GALNTL6: variants seen among roughly 807,000 people sequenced by gnomAD.
GALNTL6 encodes polypeptide N-acetylgalactosaminyltransferase-like 6.
GALNTL6 carries 46 observed loss-of-function variants against 73.7 expected under a neutral mutation model. The observed-to-expected ratio is 0.62, with a 90% confidence interval of 0.49 to 0.80. The LOEUF (loss-of-function observed/expected upper bound fraction) is 0.80. Ranked by LOEUF, GALNTL6 falls within the 30% of genes least tolerant of loss-of-function variation. The probability of loss-of-function intolerance (pLI) is 0.00; values close to 1 mark genes in which losing one functional copy is unlikely to be tolerated. For missense variants in GALNTL6, 604 were observed against 755.0 expected, an observed-to-expected ratio of 0.80 and a Z score of 2.34; for synonymous variants, 259 against 263.7, an observed-to-expected ratio of 0.98 and a Z score of 0.17.
intron 5 of GALNTL6, among the ~76,000 whole-genome samples, chr4:172,676,400 T>G (rs1732303689): frequency 6.6e-6 from 1 of 152,166 alleles, no homozygotes; most frequent in Admixed American, 6.5e-5. Context: ...GTCATGGCAA[T>G]AAATATTTCT....
intron 5 of GALNTL6, among the ~76,000 whole-genome samples, chr4:172,492,896 AC>A (rs774922194): frequency 6.6e-6 from 1 of 152,186 alleles, no homozygotes. Context: ...AGTTCAAGTC[AC>A]CAAATTTGTT....
intron 5 of GALNTL6, among the ~76,000 whole-genome samples, chr4:172,565,310 G>A (rs777822802): frequency 1.3e-5 from 2 of 152,178 alleles, no homozygotes; most frequent in African/African-American, 4.8e-5. Flanking sequence ...TAGCATGAAA[G>A]TGTTGTTGAA....
At chr4:172,877,885 T>C (rs1289034262) in intron 7 of GALNTL6, among the ~76,000 whole-genome samples, 1 of 151,978 alleles carries the variant, frequency 6.6e-6, no homozygotes, top group African/African-American at 2.4e-5. Context: ...TGTTAAAAGT[T>C]ACATGGACAC....
intron 5 of GALNTL6, among the ~76,000 whole-genome samples, chr4:172,384,301 A>G (rs72704808): frequency 0.4 from 61,281 of 151,946 alleles, 14,961 homozygotes; most frequent in South Asian, 0.66. Context: ...ATCTTTCCAG[A>G]TTTTTTATTT....
At chr4:171,876,145 G>A (rs772687616) in intron 2 of GALNTL6, among the ~76,000 whole-genome samples, 1 of 152,044 alleles carries the variant, frequency 6.6e-6, no homozygotes, top group African/African-American at 2.4e-5. Context: ...GCAAGGCTGT[G>A]GCTTCTCTGT....
intron 5 of GALNTL6, among the ~76,000 whole-genome samples, chr4:172,752,617 A>G (rs1737492573): frequency 6.6e-6 from 1 of 152,182 alleles, no homozygotes; most frequent in Non-Finnish European, 1.5e-5. Context: ...CATTACTTCA[A>G]GAATATAATT....
intron 2 of GALNTL6, among the ~76,000 whole-genome samples, chr4:172,082,129 G>A (rs1368712898): frequency 6.6e-6 from 1 of 151,914 alleles, no homozygotes; most frequent in African/African-American, 2.4e-5. Context: ...CAGCTGCCTC[G>A]GCCTCCCAAA....
intron 5 of GALNTL6, among the ~76,000 whole-genome samples, chr4:172,411,332 T>A (rs1744427461): frequency 1.3e-5 from 2 of 152,148 alleles, no homozygotes; most frequent in Admixed American, 1.3e-4. Context: ...ATTGGTGATG[T>A]CGTAAGCCAC....
chr4:172,167,771 AC>A (rs1207236945), intron 2 of GALNTL6, among the ~76,000 whole-genome samples: 1 of 147,506 alleles, frequency 6.8e-6, no homozygotes, highest in African/African-American at 2.6e-5. Flanking sequence ...ATCCTGGCTA[AC>A]AAGGTGAAAC....
intron 5 of GALNTL6, among the ~76,000 whole-genome samples, chr4:172,742,309 T>A (rs1736853556): frequency 6.6e-6 from 1 of 151,882 alleles, no homozygotes; most frequent in Non-Finnish European, 1.5e-5. Context: ...GCACCACAGA[T>A]GATCTCTTGT....
intron 5 of GALNTL6, among the ~76,000 whole-genome samples, chr4:172,718,050 G>A (rs1334232816): frequency 2.6e-5 from 4 of 152,176 alleles, no homozygotes; most frequent in Non-Finnish European, 5.9e-5. Flanking sequence ...ATAATATTAA[G>A]AATGTTTACT....
rs553973999 is a variant in GALNTL6 at position 172,482,847 on chromosome 4, G to C, written c.553+134158G>C. ...GTGTCTGCAAAGTACCCAGCACAAA[G>C]TAAAAACCTGGCAAATACTTATTGA... On this transcript the variant is annotated intron_variant, in intron 5 of 12. Transcript: ENST00000506823. Among the ~76,000 whole-genome samples, 6 of 152,132 alleles carry C rather than the reference G, an allele frequency of 3.9e-5. No individual in the cohort carries two copies. The South Asian group carries it at 1.2e-3, about 31-fold the overall frequency.
chr4:171,968,456 T>C (rs1739454568), intron 2 of GALNTL6, among the ~76,000 whole-genome samples: 1 of 152,216 alleles, frequency 6.6e-6, no homozygotes, highest in Non-Finnish European at 1.5e-5. Context: ...CAAGTGCTTC[T>C]TCTCTATGTT....
rs146596687 is a variant in GALNTL6 at position 171,996,244 on chromosome 4, A to G, written c.138+181526A>G. On this transcript the variant is annotated intron_variant, in intron 2 of 12. Transcript: ENST00000506823. ...ATGGAAAATTCTGTAAAGTGAAAGC[A>G]ATTTCCAAATTTATAAATTATTTTC... is the stretch of plus-strand genomic sequence containing the variant. Among the ~76,000 whole-genome samples, 856 of 152,260 alleles carry G rather than the reference A, an allele frequency of 5.6e-3. 7 individuals are homozygous for G. Among genetic ancestry groups the G allele is most frequent in the East Asian group, 0.037 (192 of 5,190 alleles).
chr4:172,999,837 C>G (rs943775468), intron 10 of GALNTL6, among the ~76,000 whole-genome samples: 1 of 151,736 alleles, frequency 6.6e-6, no homozygotes, highest in Non-Finnish European at 1.5e-5. Flanking sequence ...ATTCTCATTG[C>G]CAATTAGAAC....
intron 2 of GALNTL6, among the ~76,000 whole-genome samples, chr4:171,911,358 G>A (rs1173489273): frequency 1.3e-5 from 2 of 152,100 alleles, no homozygotes; most frequent in South Asian, 2.1e-4. Context: ...GAGATTTCAA[G>A]CATGTTGCTC....
chr4:172,023,031 G>A (rs1335220482), intron 2 of GALNTL6, among the ~76,000 whole-genome samples: 1 of 151,838 alleles, frequency 6.6e-6, no homozygotes, highest in Non-Finnish European at 1.5e-5. Context: ...TCTACCAAAT[G>A]CAAGAATCCA....
At chr4:171,843,684 G>A (rs528445880) in intron 2 of GALNTL6, among the ~76,000 whole-genome samples, 34 of 152,130 alleles carry the variant, frequency 2.2e-4, no homozygotes, top group Admixed American at 1.6e-3. Flanking sequence ...ATTTGGTGCT[G>A]GTAGAGAATG....
At chr4:171,992,029 C>T (rs915149498) in intron 2 of GALNTL6, among the ~76,000 whole-genome samples, 3 of 151,752 alleles carry the variant, frequency 2.0e-5, no homozygotes, top group Non-Finnish European at 4.4e-5. Flanking sequence ...TTTGTGAGAA[C>T]GAATTACAAT....
Sources: allele counts gnomAD v4.1 joint callset (sites outside exome capture counted in the v4.1 genomes callset), GRCh38; gene constraint gnomAD v4.1.1; transcripts MANE v1.5; gene names NCBI Gene and HGNC (gene_info 2026-07-23, HGNC 2026-07-21).